The following TCOF1 variants were observed in gnomAD, a reference collection of about 807,000 sequenced individuals.
The protein encoded by TCOF1 is treacle ribosome biogenesis factor 1.
A neutral mutation model predicts 149.0 loss-of-function variants in TCOF1; 33 were observed. That is an observed-to-expected ratio of 0.22 (90% CI 0.17 to 0.30). The LOEUF (loss-of-function observed/expected upper bound fraction) is 0.30, where lower values mean the gene tolerates loss of function less well. Among genes scored for constraint, TCOF1 ranks in the 10% least tolerant of loss-of-function variants. The probability of loss-of-function intolerance (pLI) is 1.00; values close to 1 mark genes in which losing one functional copy is unlikely to be tolerated. For missense variants in TCOF1, 1,728 were observed against 1,840.7 expected, an observed-to-expected ratio of 0.94 and a Z score of 1.12; for synonymous variants, 789 against 738.8, an observed-to-expected ratio of 1.07 and a Z score of -1.10.
At chr5:150,383,498 C>T (rs1046534490) in intron 17 of TCOF1, among the ~76,000 whole-genome samples, 1 of 152,226 alleles carries the variant, frequency 6.6e-6, no homozygotes, top group Non-Finnish European at 1.5e-5. Flanking sequence ...ACAGTACTGG[C>T]ACCTCTCTCC....
At chr5:150,364,802 A>C (rs1392031980) in intron 3 of TCOF1, 1 of 156,990 alleles carries the variant, frequency 6.4e-6, no homozygotes, top group Non-Finnish European at 1.4e-5. Flanking sequence ...CCCCAACAGC[A>C]GCCATAACTC....
At chr5:150,384,855 T>C in intron 17 of TCOF1, 1 of 985,476 alleles carries the variant, frequency 1.0e-6, no homozygotes, top group Non-Finnish European at 1.2e-6. Context: ...AGCACCTCTC[T>C]ATTGACAAGT....
chr5:150,379,956 C>T (rs971482244), intron 17 of TCOF1: 55 of 516,030 alleles, frequency 1.1e-4, no homozygotes, highest in Non-Finnish European at 2.0e-4. Flanking sequence ...CCTGTAATCC[C>T]AGCTACTCGG....
Position 150,393,446 on chromosome 5 carries a change from A to G in TCOF1, c.3678A>G (p.Leu1226=), listed in dbSNP as rs561354293. ...NSQASKATPK[L]DSSPSVSSTL... is the part of the protein sequence containing the mutation. ...AGGCCTCAAAAGCCACTCCCAAGCT[A>G]GACTCCAGCCCCTCAGTTTCCTCTA... The change falls in exon 23 of 27, where the codon CTA becomes CTG. Residue 1226 remains leucine, a synonymous_variant. Coordinates refer to ENST00000643257, the MANE Select transcript of TCOF1 (RefSeq NM_001371623.1). 2 of 1,614,192 alleles carry G rather than the reference A, an allele frequency of 1.2e-6. No individual in the cohort carries two copies. The highest frequency in any genetic ancestry group is 1.3e-5 in the African/African-American group (1 of 75,042).
intron 17 of TCOF1, among the ~76,000 whole-genome samples, chr5:150,381,666 G>GT (rs1765214944): frequency 6.6e-6 from 1 of 152,216 alleles, no homozygotes; most frequent in African/African-American, 2.4e-5. Flanking sequence ...GGGCTGTGTA[G>GT]TTTTTTTGTT....
chr5:150,375,506 A>C lies in TCOF1; in HGVS notation c.1656A>C (p.Ser552=), dbSNP rs756543160. The C allele has an allele frequency of 3.1e-6, 5 of 1,614,156 alleles. No individual in the cohort carries two copies. In the South Asian group the frequency reaches 4.4e-5, roughly 14 times the overall value. ...EEDSESSSEE[S]SDSSDGEVPT... is the part of the protein sequence containing the mutation. ...ACTCAGAGAGCAGTAGTGAGGAGTCATCAGACAGCAGTGATGGAGAGGTGC... is the reference window on the plus strand; with the variant it reads ...ACTCAGAGAGCAGTAGTGAGGAGTCCTCAGACAGCAGTGATGGAGAGGTGC... The change falls in exon 11 of 27, where the codon TCA becomes TCC. Residue 552 remains serine (S), a synonymous_variant. Transcript: ENST00000643257.
At chr5:150,392,541 A>C (rs1240493380) in intron 21 of TCOF1, 164 bp from the exon 22 acceptor site, 2 of 689,944 alleles carry the variant, frequency 2.9e-6, no homozygotes, top group Non-Finnish European at 5.1e-6. Context: ...GACTAGCGAT[A>C]AGTGTGCAAG....
chr5:150,374,471 A>G (rs1467154513), intron 8 of TCOF1, 85 bp downstream of exon 8: 15 of 1,549,268 alleles, frequency 9.7e-6, no homozygotes, highest in Admixed American at 1.9e-5. Flanking sequence ...TCTGGGCCAG[A>G]GCCCCGGGCG....
At chr5:150,369,396 G>T in intron 5 of TCOF1, 133 bp from the exon 6 acceptor site, 1 of 966,870 alleles carries the variant, frequency 1.0e-6, no homozygotes, top group Non-Finnish European at 1.6e-6. Flanking sequence ...ACAGCTCAGT[G>T]CATGTGAGGC....
chr5:150,388,003 C>T lies in TCOF1; in HGVS notation c.2961C>T (p.Ala987=), dbSNP rs764450560. 6.2e-7 allele frequency: 1 copy of T among 1,613,840 alleles called. No individual in the cohort carries two copies. The highest frequency in any genetic ancestry group is 1.7e-5 in the Admixed American group (1 of 60,018). Residue 987 remains alanine, a synonymous_variant, in exon 18 of 27, where the codon GCC becomes GCT. Transcript: ENST00000643257. ...AGGCTGCAAGCACCCCGAGGAAGGCCCGAGCCTCGGAGAGCACAGCCAGGA... is the reference window on the plus strand; with the variant it reads ...AGGCTGCAAGCACCCCGAGGAAGGCTCGAGCCTCGGAGAGCACAGCCAGGA... ...QAQAASTPRK[A]RASESTARSS...
chr5:150,378,680 ATT>A, intron 14 of TCOF1: 1 of 590,836 alleles, frequency 1.7e-6, no homozygotes, highest in East Asian at 2.9e-5. Context: ...TGAATCTCCT[ATT>A]TAGTCTTCAT....
At chr5:150,383,510 G>C (rs1237675350) in intron 17 of TCOF1, among the ~76,000 whole-genome samples, 2 of 152,208 alleles carry the variant, frequency 1.3e-5, no homozygotes, top group Non-Finnish European at 2.9e-5. Flanking sequence ...CCTCTCTCCT[G>C]CCTCTGTGCA....
chr5:150,375,985 C>G (rs1388781063), intron 12 of TCOF1, 76 bp downstream of exon 12: 2 of 1,613,850 alleles, frequency 1.2e-6, no homozygotes, highest in Non-Finnish European at 1.7e-6. Context: ...GAGCTGTGCT[C>G]CCTCAGGCAG....
chr5:150,375,337 A>C lies in TCOF1; in HGVS notation c.1489-2A>C, dbSNP rs1168872131. ...CCTAATCTTGTCCTTTGTGTCTCCC[A>C]GGTGAAGCCCTTGGGGAAAAGCCCC... On this transcript the variant is annotated splice_acceptor_variant, in intron 10 of 26. Transcript: ENST00000643257. LOFTEE classifies it high-confidence loss of function. The C allele has an allele frequency of 6.2e-7, 1 of 1,610,958 alleles. No individual in the cohort carries two copies. Among genetic ancestry groups the C allele is most frequent in the South Asian group, 1.1e-5 (1 of 90,946 alleles).
At chr5:150,386,913 C>G (rs1253804160) in intron 17 of TCOF1, among the ~76,000 whole-genome samples, 1 of 152,198 alleles carries the variant, frequency 6.6e-6, no homozygotes, top group African/African-American at 2.4e-5. Flanking sequence ...TGCTTGTTTG[C>G]TTTTTCTTTT....
intron 6 of TCOF1, 86 bp downstream of exon 6, chr5:150,369,688 C>A: frequency 6.9e-7 from 1 of 1,443,064 alleles, no homozygotes; most frequent in Admixed American, 1.8e-5. Context: ...CACCAGTGGG[C>A]CCAGATGAGT....
At chr5:150,390,876 G>A (rs1767287537) in intron 19 of TCOF1, among the ~76,000 whole-genome samples, 1 of 152,164 alleles carries the variant, frequency 6.6e-6, no homozygotes, top group African/African-American at 2.4e-5. Context: ...GAGTGGTGAG[G>A]GGCAGCGATT....
chr5:150,391,723 C>A, intron 20 of TCOF1, 66 bp downstream of exon 20: 1 of 1,464,174 alleles, frequency 6.8e-7, no homozygotes, highest in Admixed American at 1.9e-5. Context: ...GGCCCTGCAT[C>A]GCGGCACCAG....
chr5:150,396,154 T>A, intron 23 of TCOF1, 128 bp from the exon 24 acceptor site: 1 of 1,091,584 alleles, frequency 9.2e-7, no homozygotes, highest in Non-Finnish European at 1.4e-6. Flanking sequence ...CCGCCAAGCC[T>A]TGCTCTCCCC....
Sources: allele counts gnomAD v4.1 joint callset (sites outside exome capture counted in the v4.1 genomes callset), GRCh38; gene constraint gnomAD v4.1.1; transcripts MANE v1.5; gene names NCBI Gene and HGNC (gene_info 2026-07-23, HGNC 2026-07-21).